Variants in NIBAN1 observed in about 807,000 individuals in gnomAD.
The protein encoded by NIBAN1 is niban apoptosis regulator 1.
NIBAN1 carries 81 observed loss-of-function variants against 75.1 expected under a neutral mutation model. That is an observed-to-expected ratio of 1.08 (90% CI 0.90 to 1.30). The LOEUF is 1.30. Ranked by LOEUF, NIBAN1 falls within the 50% of genes most tolerant of loss-of-function variation. NIBAN1 has a pLI of 0.00. For synonymous variants in NIBAN1, 436 were observed against 424.8 expected (o/e 1.03, Z -0.32); for missense variants, 1,133 against 1,128.1 (o/e 1.00, Z -0.06).
chr1:184,946,034 A>G (rs1043928614), intron 1 of NIBAN1, among the ~76,000 whole-genome samples: 1 of 152,160 alleles, frequency 6.6e-6, no homozygotes, highest in Non-Finnish European at 1.5e-5. Flanking sequence ...CTCAAGAACA[A>G]ATGCAAGAGA....
intron 5 of NIBAN1, among the ~76,000 whole-genome samples, chr1:184,871,253 T>C (rs1256061161): frequency 6.9e-6 from 1 of 145,280 alleles, no homozygotes. Context: ...AGGCTGAGGC[T>C]GGAGAATCAC....
chr1:184,895,310 C>T (rs12093660), intron 2 of NIBAN1, among the ~76,000 whole-genome samples: 27,728 of 152,040 alleles, frequency 0.18, 3,163 homozygotes, highest in South Asian at 0.28. Context: ...TTCTTAAAAC[C>T]TGGACCACTT....
At position 184,911,471 on chromosome 1, in the gene NIBAN1, G is replaced by C. The variant is rs1657239337; in HGVS notation, c.56-12162C>G. Among the ~76,000 whole-genome samples, 3 of 152,308 alleles carry C rather than the reference G, an allele frequency of 2.0e-5. No individual in the cohort carries two copies. In the South Asian group the frequency reaches 6.2e-4, roughly 32 times the overall value. Reference sequence around the variant, plus strand: ...GCTCTGGGCACCAGGGAAACCAGCTGACCTTATATGAGTACCCCCTCCCTT... The same window carrying C: ...GCTCTGGGCACCAGGGAAACCAGCTCACCTTATATGAGTACCCCCTCCCTT... On this transcript the variant is annotated intron_variant, in intron 1 of 13. Transcript: ENST00000367511.
intron 2 of NIBAN1, among the ~76,000 whole-genome samples, chr1:184,898,297 G>A (rs1469219554): frequency 6.6e-6 from 1 of 152,030 alleles, no homozygotes; most frequent in Non-Finnish European, 1.5e-5. Flanking sequence ...CTCCACAGAG[G>A]GCTTCCCTAA....
intron 5 of NIBAN1, among the ~76,000 whole-genome samples, chr1:184,869,853 AC>A (rs914846911): frequency 1.3e-5 from 2 of 152,074 alleles, no homozygotes; most frequent in Non-Finnish European, 2.9e-5. Flanking sequence ...ACCATTCACC[AC>A]TTTTTTATTG....
At chr1:184,888,427 A>G (rs1198618201) in intron 4 of NIBAN1, among the ~76,000 whole-genome samples, 1 of 152,208 alleles carries the variant, frequency 6.6e-6, no homozygotes, top group Non-Finnish European at 1.5e-5. Flanking sequence ...TTGCATTTAA[A>G]AAGCCTCAAC....
At chr1:184,922,262 A>ACT (rs113179725) in intron 1 of NIBAN1, among the ~76,000 whole-genome samples, 1,859 of 152,254 alleles carry the variant, frequency 0.012, 24 homozygotes, top group African/African-American at 0.025. Flanking sequence ...ATCCATTTAT[A>ACT]CTTAGTTATT....
At position 184,792,322 on chromosome 1, in the gene NIBAN1, C is replaced by G. The variant is rs1269483758; in HGVS notation, c.*2655G>C. 1 of 152,328 alleles carries G rather than the reference C, an allele frequency of 6.6e-6. No homozygotes were observed. The highest frequency in any genetic ancestry group is 2.4e-5 in the African/African-American group (1 of 41,450). 9.4% of individuals were successfully genotyped at this position (152,328 alleles called of 1,614,324 possible). ...TACATCCTGCCAAATAGTGCCCAGT[C>G]CTCCCTGACCTACATGATGGATAAA... On this transcript the variant is annotated 3_prime_UTR_variant, in exon 14 of 14. Transcript: ENST00000367511.
intron 1 of NIBAN1, among the ~76,000 whole-genome samples, chr1:184,948,784 C>G (rs1207066733): frequency 1.3e-5 from 2 of 151,654 alleles, no homozygotes; most frequent in African/African-American, 4.8e-5. Flanking sequence ...AAAATATGAC[C>G]CAAATTTTGT....
intron 2 of NIBAN1, among the ~76,000 whole-genome samples, chr1:184,896,880 C>A (rs1013634754): frequency 6.6e-6 from 1 of 152,098 alleles, no homozygotes; most frequent in African/African-American, 2.4e-5. Context: ...TCTGGGTTCT[C>A]CATTCTGTTC....
chr1:184,841,105 A>G (rs1390571281), intron 5 of NIBAN1, among the ~76,000 whole-genome samples: 1 of 152,182 alleles, frequency 6.6e-6, no homozygotes, highest in Non-Finnish European at 1.5e-5. Context: ...AGTGGATGAC[A>G]GAACCAGGAT....
chr1:184,972,518 A>G (rs1658965198), intron 1 of NIBAN1, among the ~76,000 whole-genome samples: 1 of 152,200 alleles, frequency 6.6e-6, no homozygotes, highest in South Asian at 2.1e-4. Flanking sequence ...CCCTGGAGGT[A>G]TTCTAACTTT....
chr1:184,840,747 C>T (rs917855325), intron 5 of NIBAN1, among the ~76,000 whole-genome samples: 1 of 150,596 alleles, frequency 6.6e-6, no homozygotes, highest in Non-Finnish European at 1.5e-5. Flanking sequence ...CGGAGACATC[C>T]TGTACCTAGG....
Position 184,884,697 on chromosome 1 carries a change from G to A in NIBAN1, c.537C>T (p.His179=), listed in dbSNP as rs368173930. The A allele has an allele frequency of 2.0e-5, 33 of 1,614,086 alleles. No homozygotes were observed. The highest frequency in any genetic ancestry group is 2.7e-5 in the African/African-American group (2 of 74,936). Residue 179 remains histidine, a synonymous_variant, in exon 5 of 14, where the codon CAC becomes CAT. Transcript: ENST00000367511. Reference sequence around the variant, plus strand: ...TAAACCTCTTCTGGTCAGCAGCCTCGTGGAAGCAGAAGTAGCCGTGTCTGA... The same window carrying A: ...TAAACCTCTTCTGGTCAGCAGCCTCATGGAAGCAGAAGTAGCCGTGTCTGA... ...PFFRHGYFCF[H]EAADQKRFSA... is the part of the protein sequence containing the mutation.
At chr1:184,919,590 T>C (rs1657476036) in intron 1 of NIBAN1, among the ~76,000 whole-genome samples, 1 of 152,064 alleles carries the variant, frequency 6.6e-6, no homozygotes, top group African/African-American at 2.4e-5. Flanking sequence ...GGAAATAATT[T>C]TAAAAAAAGA....
chr1:184,818,376 T>C (rs1186427545), intron 9 of NIBAN1, among the ~76,000 whole-genome samples: 1 of 152,170 alleles, frequency 6.6e-6, no homozygotes, highest in African/African-American at 2.4e-5. Context: ...TATTTGAGTA[T>C]GTTGCTTCAC....
intron 5 of NIBAN1, 75 bp from the exon 6 acceptor site, chr1:184,832,037 C>T: frequency 9.9e-7 from 1 of 1,012,712 alleles, no homozygotes; most frequent in African/African-American, 1.6e-5. Flanking sequence ...AGTGTAATGG[C>T]TCAGAGACCT....
intron 4 of NIBAN1, among the ~76,000 whole-genome samples, chr1:184,889,905 A>C (rs1179786623): frequency 3.3e-5 from 5 of 152,182 alleles, no homozygotes; most frequent in Non-Finnish European, 2.9e-5. Context: ...TGTCCTGTGC[A>C]TGGTAGGATG....
intron 1 of NIBAN1, among the ~76,000 whole-genome samples, chr1:184,903,613 C>T (rs1657009530): frequency 6.6e-6 from 1 of 152,072 alleles, no homozygotes; most frequent in African/African-American, 2.4e-5. Flanking sequence ...ATGTGATGCA[C>T]CTGCTCCCCC....
Sources: gnomAD v4.1 joint callset for allele counts (sites outside exome capture counted in the v4.1 genomes callset) on GRCh38, gnomAD v4.1.1 for gene constraint, MANE v1.5 for transcripts, NCBI Gene and HGNC (gene_info 2026-07-23, HGNC 2026-07-21) for gene names.